The following BACH2 variants were observed in gnomAD, a reference collection of about 807,000 sequenced individuals.
The protein encoded by BACH2 is BACH transcriptional regulator 2.
BACH2 carries 5 observed loss-of-function variants against 61.8 expected under a neutral mutation model. That is an observed-to-expected ratio of 0.08 (90% CI 0.04 to 0.17). BACH2 has a LOEUF of 0.17. BACH2 is among the 10% of genes least tolerant of loss of function. BACH2 has a pLI of 1.00. For missense variants in BACH2, 824 were observed against 1,091.1 expected, an observed-to-expected ratio of 0.76 and a Z score of 3.45; for synonymous variants, 446 against 440.1, an observed-to-expected ratio of 1.01 and a Z score of -0.17.
intron 7 of BACH2, among the ~76,000 whole-genome samples, chr6:89,938,977 T>C (rs907591958): frequency 2.6e-5 from 4 of 152,156 alleles, no homozygotes; most frequent in African/African-American, 9.7e-5. Flanking sequence ...ATCTGAAAAA[T>C]AGGGCATTTT....
At chr6:90,194,190 A>G (rs1284848795) in intron 4 of BACH2, among the ~76,000 whole-genome samples, 1 of 152,206 alleles carries the variant, frequency 6.6e-6, no homozygotes, top group Non-Finnish European at 1.5e-5. Context: ...AAAGTTCTCA[A>G]TATTTTTATA....
chr6:90,054,200 G>A (rs559570975), intron 5 of BACH2, among the ~76,000 whole-genome samples: 271 of 152,320 alleles, frequency 1.8e-3, no homozygotes, highest in African/African-American at 6.4e-3. Flanking sequence ...AAGGGGTCAG[G>A]GAATTCCCTT....
At chr6:90,164,662 C>T (rs1767542794) in intron 4 of BACH2, among the ~76,000 whole-genome samples, 1 of 152,136 alleles carries the variant, frequency 6.6e-6, no homozygotes. Flanking sequence ...CAAAAATCCT[C>T]AATAAAATAC....
chr6:90,123,428 GT>G (rs1783712682), intron 4 of BACH2, among the ~76,000 whole-genome samples: 2 of 152,168 alleles, frequency 1.3e-5, no homozygotes, highest in Admixed American at 6.5e-5. Context: ...GTGATAATTT[GT>G]TAAGCAGACC....
rs759922574 is a variant in BACH2 at position 89,932,793 on chromosome 6, C to T, written c.2141G>A (p.Cys714Tyr). Reference protein sequence around the residue: ...DNFSCLSQEVCRDIQSPEQIQ... With the variant: ...DNFSCLSQEVYRDIQSPEQIQ... ...CTGCTCGGGGCTCTGGATGTCTCGGCAAACTTCCTGGGAAAGGCAGGAGAA... is the reference window on the plus strand; with the variant it reads ...CTGCTCGGGGCTCTGGATGTCTCGGTAAACTTCCTGGGAAAGGCAGGAGAA... The change falls in exon 9 of 9, where the codon TGC becomes TAC. Residue 714 changes from cysteine to tyrosine, a missense_variant. Around this residue, in one of 8 missense-constraint regions of BACH2, gnomAD observed 160 missense variants for 283.5 expected, o/e 0.56. Coordinates refer to ENST00000257749, the MANE Select transcript of BACH2 (RefSeq NM_021813.4). 4 of 1,613,280 alleles carry T rather than the reference C, an allele frequency of 2.5e-6. No homozygotes were observed. In the African/African-American group the frequency reaches 4.0e-5, roughly 16 times the overall value.
chr6:90,282,258 T>G (rs1452881801), intron 1 of BACH2, among the ~76,000 whole-genome samples: 4 of 152,200 alleles, frequency 2.6e-5, no homozygotes, highest in Admixed American at 2.6e-4. Context: ...ATTTCATCAC[T>G]CAGGTATTAG....
At chr6:90,170,756 T>C (rs1201402826) in intron 4 of BACH2, among the ~76,000 whole-genome samples, 2 of 152,196 alleles carry the variant, frequency 1.3e-5, no homozygotes, top group Non-Finnish European at 2.9e-5. Context: ...TAAAGAGGAC[T>C]TCTGATTGTC....
At chr6:90,078,674 C>T (rs901801100) in intron 5 of BACH2, among the ~76,000 whole-genome samples, 4 of 152,228 alleles carry the variant, frequency 2.6e-5, no homozygotes, top group South Asian at 4.1e-4. Flanking sequence ...GCTTTATGTA[C>T]GTCATCTCAC....
chr6:90,030,108 C>T (rs9362711), intron 5 of BACH2, among the ~76,000 whole-genome samples: 32,653 of 152,122 alleles, frequency 0.21, 4,283 homozygotes, highest in East Asian at 0.67. Flanking sequence ...TTAGGCTGTT[C>T]TCTCCTGGTA....
At chr6:89,976,705 A>G (rs767857848) in intron 6 of BACH2, among the ~76,000 whole-genome samples, 1 of 152,228 alleles carries the variant, frequency 6.6e-6, no homozygotes, top group Non-Finnish European at 1.5e-5. Flanking sequence ...CTAACCTAGC[A>G]GGAAATCATG....
chr6:90,037,399 T>A (rs762728630), intron 5 of BACH2, among the ~76,000 whole-genome samples: 1 of 152,246 alleles, frequency 6.6e-6, no homozygotes, highest in Non-Finnish European at 1.5e-5. Context: ...TACACAACTA[T>A]AAAATCATGA....
At chr6:90,187,826 G>A (rs1365521189) in intron 4 of BACH2, among the ~76,000 whole-genome samples, 1 of 152,170 alleles carries the variant, frequency 6.6e-6, no homozygotes, top group Admixed American at 6.5e-5. Flanking sequence ...TCTCACAACC[G>A]ATCTTTGGTG....
intron 6 of BACH2, among the ~76,000 whole-genome samples, chr6:90,003,412 T>G (rs759579303): frequency 3.3e-5 from 5 of 152,196 alleles, no homozygotes; most frequent in African/African-American, 4.8e-5. Flanking sequence ...TCTTGATCAC[T>G]CTTCTTAAAA....
At position 89,944,698 on chromosome 6, in the gene BACH2, C is replaced by T. The variant is rs148401459; in HGVS notation, c.1836+5572G>A. 3.0e-3 allele frequency among the ~76,000 whole-genome samples: 459 copies of T among 151,976 alleles called. 1 individual carries two copies. Among genetic ancestry groups the T allele is most frequent in the African/African-American group, 9.4e-3 (389 of 41,420 alleles). On this transcript the variant is annotated intron_variant, in intron 7 of 8. Transcript: ENST00000257749. The stretch of plus-strand genomic sequence containing the variant: ...TCTTCCCTTCTCTCTCTCTCTCTCC[C>T]GCCCCCTGCCTGCCCCCAACACACT...
chr6:89,987,117 C>G (rs756700007), intron 6 of BACH2, among the ~76,000 whole-genome samples: 29 of 152,038 alleles, frequency 1.9e-4, no homozygotes, highest in Non-Finnish European at 3.8e-4. Context: ...GAATCAGGAT[C>G]CCAAATGATG....
chr6:90,025,885 C>A (rs1394142878), intron 5 of BACH2, among the ~76,000 whole-genome samples: 5 of 152,180 alleles, frequency 3.3e-5, no homozygotes, highest in Non-Finnish European at 7.3e-5. Flanking sequence ...GCAAAGTGCG[C>A]CATAAAGCAT....
At chr6:90,202,578 CAAGG>C (rs1768992038) in intron 4 of BACH2, among the ~76,000 whole-genome samples, 1 of 152,128 alleles carries the variant, frequency 6.6e-6, no homozygotes, top group South Asian at 2.1e-4. Context: ...CTGAACATAA[CAAGG>C]AAGAAACAGT....
intron 1 of BACH2, among the ~76,000 whole-genome samples, chr6:90,295,818 C>G (rs1772341953): frequency 6.6e-6 from 1 of 152,138 alleles, no homozygotes; most frequent in African/African-American, 2.4e-5. Context: ...AGATTCGATC[C>G]AGGTCTGCGC....
At chr6:90,275,364 C>T (rs913423727) in intron 1 of BACH2, among the ~76,000 whole-genome samples, 5 of 152,144 alleles carry the variant, frequency 3.3e-5, no homozygotes, top group African/African-American at 1.2e-4. Context: ...CCTCCCCCTA[C>T]CTGGGATGCT....
Sources: allele counts gnomAD v4.1 joint callset (sites outside exome capture counted in the v4.1 genomes callset), GRCh38; gene constraint gnomAD v4.1.1; regional missense constraint gnomAD v4.1.1; transcripts MANE v1.5; gene names NCBI Gene and HGNC (gene_info 2026-07-23, HGNC 2026-07-21).